CCDC7: variants seen among roughly 807,000 people sequenced by gnomAD.
The protein encoded by CCDC7 is coiled-coil domain containing 7, also known as coiled-coil domain-containing protein 7.
In CCDC7, 183 loss-of-function variants were observed where a neutral mutation model predicts 196.9. The observed-to-expected ratio is 0.93, with a 90% CI of 0.82 to 1.05. The LOEUF (loss-of-function observed/expected upper bound fraction) is 1.05, where lower values mean the gene tolerates loss of function less well. Ranked by LOEUF, CCDC7 falls within the 50% of genes least tolerant of loss-of-function variation. The pLI is 0.00. For missense variants in CCDC7, 1,540 were observed against 1,482.2 expected, an observed-to-expected ratio of 1.04 and a Z score of -0.64; for synonymous variants, 525 against 484.6, an observed-to-expected ratio of 1.08 and a Z score of -1.10.
intron 18 of CCDC7, among the ~76,000 whole-genome samples, chr10:32,586,095 T>C (rs1426626871): frequency 6.6e-6 from 1 of 152,226 alleles, no homozygotes; most frequent in Non-Finnish European, 1.5e-5. Context: ...TATCTCATTG[T>C]GGTTTTGATT....
rs938405592 is a variant in CCDC7 at position 32,789,639 on chromosome 10, C to T, written c.3013+10555C>T. ...TCCACCCAAAAGCATGCATTGGAAACTTAATTCCCAATGCAGCAGTGTTCA... is the reference window on the plus strand; with the variant it reads ...TCCACCCAAAAGCATGCATTGGAAATTTAATTCCCAATGCAGCAGTGTTCA... On this transcript the variant is annotated intron_variant, in intron 29 of 41. Coordinates refer to ENST00000639629, the Ensembl canonical transcript of CCDC7. 2.6e-5 allele frequency among the ~76,000 whole-genome samples: 4 copies of T among 151,310 alleles called. 1 individual carries two copies. The Middle Eastern group carries it at 0.014, about 522-fold the overall frequency.
At chr10:32,696,141 A>T (rs765396290) in intron 24 of CCDC7, among the ~76,000 whole-genome samples, 15 of 152,330 alleles carry the variant, frequency 9.8e-5, no homozygotes, top group Middle Eastern at 6.8e-3. Context: ...ACTGGGGGTG[A>T]ATACAGTCAG....
rs142484010 is a variant in CCDC7 at position 32,578,526 on chromosome 10, T to G, written c.1455-4508T>G. ...GGTGATGGGAGACAGTGACAGATCA[T>G]CAGACATTAGGTTCTCGTAAGGAGC... On this transcript the variant is annotated intron_variant, in intron 16 of 41. Coordinates refer to ENST00000639629, the Ensembl canonical transcript of CCDC7. Among the ~76,000 whole-genome samples the G allele has an allele frequency of 7.9e-3, 1,190 of 151,456 alleles. 6 individuals carry two copies. Among genetic ancestry groups the G allele is most frequent in the Middle Eastern group, 0.02 (6 of 294 alleles).
intron 28 of CCDC7, among the ~76,000 whole-genome samples, chr10:32,729,847 T>C (rs1290343093): frequency 6.6e-6 from 1 of 152,214 alleles, no homozygotes; most frequent in East Asian, 1.9e-4. Flanking sequence ...AACTACTTTA[T>C]CTGTTATTAT....
rs537974508 is a variant in CCDC7 at position 32,540,836 on chromosome 10, C to T, written c.994-2464C>T. Among the ~76,000 whole-genome samples, 115 of 152,188 alleles carry T rather than the reference C, an allele frequency of 7.6e-4. 1 individual carries two copies. In the Middle Eastern group the frequency reaches 0.014, roughly 18 times the overall value. Reference sequence around the variant, plus strand: ...TTCATGTTGACCTTTGAAAATCTGACGATTATGTGTCTTGGGGATTATCTT... The same window carrying T: ...TTCATGTTGACCTTTGAAAATCTGATGATTATGTGTCTTGGGGATTATCTT... On this transcript the variant is annotated intron_variant, in intron 11 of 41. Transcript: ENST00000639629.
In CCDC7 at chr10:32,846,372, A is replaced by G. The variant is rs1210739073; in HGVS notation, c.3605-4A>G. The G allele has an allele frequency of 6.6e-7, 1 of 1,510,670 alleles. No individual in the cohort carries two copies. The highest frequency in any genetic ancestry group is 9.2e-7 in the Non-Finnish European group (1 of 1,089,354). 93.6% of individuals were successfully genotyped at this position (1,510,670 alleles called of 1,614,324 possible). A position where few individuals can be genotyped will look rare whatever the true frequency, so the allele number is the denominator to read the frequency against. On this transcript the variant is annotated splice_region_variant and splice_polypyrimidine_tract_variant and intron_variant, in intron 36 of 41. Transcript: ENST00000639629. ...AGTATTTTGAAATCTGTTTAATTCT[A>G]TAGAGACTGATAAAGAACTCTTAAA...
chr10:32,652,478 ATCT>A (rs1409575455), intron 20 of CCDC7, among the ~76,000 whole-genome samples: 2 of 151,842 alleles, frequency 1.3e-5, no homozygotes, highest in Non-Finnish European at 2.9e-5. Flanking sequence ...TGTTTTGTAA[ATCT>A]TCTCTTTCTT....
At chr10:32,603,553 A>G (rs1306467808) in intron 18 of CCDC7, among the ~76,000 whole-genome samples, 1 of 143,654 alleles carries the variant, frequency 7.0e-6, no homozygotes, top group Admixed American at 6.9e-5. Flanking sequence ...GATTGTACTA[A>G]TTTACATTCC....
chr10:32,459,730 T>C (rs986415085), intron 3 of CCDC7, among the ~76,000 whole-genome samples: 1 of 140,400 alleles, frequency 7.1e-6, no homozygotes, highest in African/African-American at 2.6e-5. Context: ...AAATTTACAA[T>C]TGACTTTGAA....
intron 23 of CCDC7, among the ~76,000 whole-genome samples, chr10:32,690,547 G>A (rs1221940486): frequency 6.6e-6 from 1 of 152,124 alleles, no homozygotes. Context: ...CATTGGACCA[G>A]CAAAATCAAT....
At chr10:32,828,569 A>C (rs2091753047) in intron 32 of CCDC7, among the ~76,000 whole-genome samples, 1 of 151,644 alleles carries the variant, frequency 6.6e-6, no homozygotes, top group Admixed American at 6.6e-5. Context: ...AAAGAAGAAG[A>C]AGAAGAGCAG....
chr10:32,784,738 G>A (rs2081571542), intron 29 of CCDC7, among the ~76,000 whole-genome samples: 1 of 151,976 alleles, frequency 6.6e-6, no homozygotes, highest in Admixed American at 6.6e-5. Flanking sequence ...GCCGTGACTC[G>A]TGCCTGTAAT....
chr10:32,578,134 T>G (rs929703524), intron 16 of CCDC7, among the ~76,000 whole-genome samples: 2 of 152,182 alleles, frequency 1.3e-5, no homozygotes, highest in Non-Finnish European at 2.9e-5. Context: ...TGTTAATATA[T>G]GGGCTTCTAT....
At chr10:32,788,920 G>A (rs1436246242) in intron 29 of CCDC7, among the ~76,000 whole-genome samples, 1 of 152,142 alleles carries the variant, frequency 6.6e-6, no homozygotes, top group Non-Finnish European at 1.5e-5. Flanking sequence ...CCAGTGCAAA[G>A]CCAGCCAATG....
intron 3 of CCDC7, among the ~76,000 whole-genome samples, chr10:32,459,129 G>A (rs1261596384): frequency 1.3e-5 from 2 of 151,776 alleles, no homozygotes; most frequent in Non-Finnish European, 2.9e-5. Context: ...TTTATATGTT[G>A]ATTTTATATT....
At chr10:32,536,860 T>C (rs57513148) in intron 11 of CCDC7, among the ~76,000 whole-genome samples, 8,073 of 152,278 alleles carry the variant, frequency 0.053, 711 homozygotes, top group African/African-American at 0.18. Flanking sequence ...TAGTATTCCA[T>C]GGAGTATACA....
intron 33 of CCDC7, among the ~76,000 whole-genome samples, chr10:32,836,323 T>G (rs2092596063): frequency 6.6e-6 from 1 of 152,098 alleles, no homozygotes; most frequent in African/African-American, 2.4e-5. Flanking sequence ...AAGAAATCAC[T>G]AAAAAGCAAA....
intron 28 of CCDC7, among the ~76,000 whole-genome samples, chr10:32,750,271 A>C (rs2075452562): frequency 6.6e-6 from 1 of 152,154 alleles, no homozygotes; most frequent in Non-Finnish European, 1.5e-5. Context: ...AGTTATGGGT[A>C]TATAAGTCAT....
At chr10:32,828,473 G>GAAGAA (rs1565633746) in intron 32 of CCDC7, among the ~76,000 whole-genome samples, 1 of 45,338 alleles carries the variant, frequency 2.2e-5, no homozygotes, top group Non-Finnish European at 5.1e-5. Context: ...AAGAGGAAGA[G>GAAGAA]GAAGAGGAAG....
Sources: gnomAD v4.1 joint callset for allele counts (sites outside exome capture counted in the v4.1 genomes callset) on GRCh38, gnomAD v4.1.1 for gene constraint, MANE v1.5 for transcripts, NCBI Gene and HGNC (gene_info 2026-07-23, HGNC 2026-07-21) for gene names.